Variants in SLC9A7 observed in about 807,000 individuals in gnomAD.
SLC9A7 encodes sodium/hydrogen exchanger 7.
SLC9A7 carries 19 observed loss-of-function variants against 52.6 expected under a neutral mutation model. That is an observed-to-expected ratio of 0.36 (90% CI 0.25 to 0.53). The LOEUF (loss-of-function observed/expected upper bound fraction) is 0.53, where lower values mean the gene tolerates loss of function less well. Among genes scored for constraint, SLC9A7 ranks in the 20% least tolerant of loss-of-function variants. SLC9A7 has a pLI of 0.91. For synonymous variants in SLC9A7, 226 were observed against 252.1 expected (o/e 0.90, Z 0.98); for missense variants, 455 against 597.9 (o/e 0.76, Z 2.49).
chrX:46,702,249 C>G (rs1257545008), intron 1 of SLC9A7, among the ~76,000 whole-genome samples: 1 of 111,542 alleles, frequency 9.0e-6, no homozygotes, highest in Admixed American at 9.5e-5. Flanking sequence ...ATCCACTGTT[C>G]AGTTCACCAG....
intron 1 of SLC9A7, among the ~76,000 whole-genome samples, chrX:46,686,507 G>A (rs183152083): frequency 8.9e-6 from 1 of 111,857 alleles, no homozygotes; most frequent in East Asian, 2.8e-4. Flanking sequence ...ATAAAGACTT[G>A]GAGAAAACAT....
intron 1 of SLC9A7, among the ~76,000 whole-genome samples, chrX:46,738,078 A>G (rs1230396600): frequency 4.0e-5 from 3 of 75,746 alleles, no homozygotes; most frequent in Non-Finnish European, 9.6e-5. Context: ...AAAGAAAGAA[A>G]GAAAGAAAGA....
chrX:46,681,789 T>C (rs1199435769), intron 2 of SLC9A7, among the ~76,000 whole-genome samples: 1 of 112,242 alleles, frequency 8.9e-6, no homozygotes, highest in Non-Finnish European at 1.9e-5. Context: ...TAAATGAAAA[T>C]GCTTGGACTC....
At chrX:46,749,028 A>G (rs913686300) in intron 1 of SLC9A7, among the ~76,000 whole-genome samples, 19 of 112,049 alleles carry the variant, frequency 1.7e-4, no homozygotes, top group African/African-American at 6.1e-4. Flanking sequence ...CTGCAAACAC[A>G]CATTATTTGT....
chrX:46,618,438 AT>A (rs749137399), intron 15 of SLC9A7, among the ~76,000 whole-genome samples: 1 of 110,771 alleles, frequency 9.0e-6, no homozygotes, highest in Non-Finnish European at 1.9e-5. Flanking sequence ...TTATCTCTAG[AT>A]TTTTTTTCTA....
In SLC9A7 at chrX:46,643,332, C is replaced by T. The variant is rs1231947331; in HGVS notation, c.1520G>A (p.Arg507His). The change falls in exon 12 of 17, where the codon CGC (arginine) becomes CAC (histidine). Residue 507 changes from arginine (R) to histidine (H), a missense_variant. Coordinates refer to ENST00000616978, the MANE Select transcript of SLC9A7 (RefSeq NM_001257291.2). ...AAGGGTGGTCGTGAACATCATCTGG[C>T]GAGCATAGGATGCCGTGTCACGGAT... Reference protein sequence around the residue: ...LAIRDTASYARQMMFTTTLLI... With the variant: ...LAIRDTASYAHQMMFTTTLLI... The T allele has an allele frequency of 2.5e-6, 3 of 1,209,082 alleles. No individual in the cohort carries two copies. Among genetic ancestry groups the T allele is most frequent in the South Asian group, 1.8e-5 (1 of 56,677 alleles).
chrX:46,646,830 G>A, intron 11 of SLC9A7: 1 of 334,815 alleles, frequency 3.0e-6, no homozygotes, highest in Non-Finnish European at 5.8e-6. Flanking sequence ...TTAATCTGGG[G>A]AACTATTTCT....
At chrX:46,666,624 T>C (rs1246977657) in intron 5 of SLC9A7, among the ~76,000 whole-genome samples, 1 of 112,176 alleles carries the variant, frequency 8.9e-6, no homozygotes, top group Non-Finnish European at 1.9e-5. Flanking sequence ...CAAATGAAAA[T>C]GGAGTAGCAT....
intron 16 of SLC9A7, among the ~76,000 whole-genome samples, chrX:46,610,300 A>G (rs1006606372): frequency 5.4e-4 from 61 of 112,768 alleles, no homozygotes; most frequent in African/African-American, 2.0e-3. Flanking sequence ...CATTGTTAGG[A>G]AGCTGGATAC....
chrX:46,629,309 G>T (rs1004950630), intron 14 of SLC9A7, among the ~76,000 whole-genome samples: 6 of 112,116 alleles, frequency 5.4e-5, no homozygotes, highest in Admixed American at 3.7e-4. Flanking sequence ...CCCATCCAGG[G>T]AGGTTCCTGA....
intron 1 of SLC9A7, chrX:46,725,812 G>A (rs1944936451): frequency 1.5e-6 from 1 of 681,490 alleles, no homozygotes; most frequent in African/African-American, 2.1e-5. Context: ...CCGAAGAATT[G>A]GTTGATCTTG....
intron 7 of SLC9A7, among the ~76,000 whole-genome samples, chrX:46,655,297 T>G (rs1206789263): frequency 2.7e-5 from 3 of 111,889 alleles, no homozygotes; most frequent in African/African-American, 9.7e-5. Flanking sequence ...CATACCATAT[T>G]TCAAAGGCTT....
chrX:46,744,275 C>T (rs756003114), intron 1 of SLC9A7, among the ~76,000 whole-genome samples: 1 of 112,518 alleles, frequency 8.9e-6, no homozygotes, highest in African/African-American at 3.2e-5. Flanking sequence ...CACATAACTA[C>T]ACCCAGCTGC....
chrX:46,631,752 C>A, intron 13 of SLC9A7, 103 bp from the exon 14 acceptor site: 1 of 617,467 alleles, frequency 1.6e-6, no homozygotes, highest in South Asian at 2.6e-5. Flanking sequence ...AATCATCTTC[C>A]CGAAGCATAA....
At chrX:46,739,306 T>C (rs759857858) in intron 1 of SLC9A7, among the ~76,000 whole-genome samples, 6 of 111,637 alleles carry the variant, frequency 5.4e-5, no homozygotes, top group Non-Finnish European at 7.5e-5. Flanking sequence ...CCCTTCCATA[T>C]TGTATGTAGG....
intron 1 of SLC9A7, among the ~76,000 whole-genome samples, chrX:46,735,926 C>G (rs1386840654): frequency 9.0e-6 from 1 of 111,308 alleles, no homozygotes; most frequent in Non-Finnish European, 1.9e-5. Flanking sequence ...GACACCTTGT[C>G]TTTAGTTTTA....
chrX:46,725,277 G>A (rs1357145178), intron 1 of SLC9A7: 1 of 1,138,300 alleles, frequency 8.8e-7, no homozygotes, highest in Non-Finnish European at 1.2e-6. Context: ...ATACAAATAA[G>A]AACTGTCTTC....
intron 1 of SLC9A7, among the ~76,000 whole-genome samples, chrX:46,708,002 A>G (rs1944629970): frequency 9.0e-6 from 1 of 110,539 alleles, no homozygotes; most frequent in Non-Finnish European, 1.9e-5. Flanking sequence ...CAGCCTCCCA[A>G]AGTGCTGGGA....
chrX:46,647,563 T>G (rs17327362), intron 11 of SLC9A7, among the ~76,000 whole-genome samples: 25,419 of 111,920 alleles, frequency 0.23, 2,662 homozygotes, highest in Middle Eastern at 0.37. Context: ...TTTTGTGCAA[T>G]TCACCAACCT....
Sources: gnomAD v4.1 joint callset for allele counts (sites outside exome capture counted in the v4.1 genomes callset) on GRCh38, gnomAD v4.1.1 for gene constraint, MANE v1.5 for transcripts, NCBI Gene and HGNC (gene_info 2026-07-23, HGNC 2026-07-21) for gene names.